The following RSRC1 variants were observed in gnomAD, a reference collection of about 807,000 sequenced individuals.
RSRC1 encodes serine/Arginine-related protein 53.
A neutral mutation model predicts 49.1 loss-of-function variants in RSRC1; 39 were observed. The observed-to-expected ratio is 0.79, with a 90% confidence interval of 0.61 to 1.04. The LOEUF is 1.04. Ranked by LOEUF, RSRC1 falls within the 50% of genes least tolerant of loss-of-function variation. The pLI is 0.00. For missense variants in RSRC1, 388 were observed against 402.4 expected, an observed-to-expected ratio of 0.96 and a Z score of 0.31; for synonymous variants, 143 against 130.8, an observed-to-expected ratio of 1.09 and a Z score of -0.63.
At chr3:158,482,250 G>C (rs1427159618) in intron 7 of RSRC1, among the ~76,000 whole-genome samples, 1 of 151,980 alleles carries the variant, frequency 6.6e-6, no homozygotes, top group East Asian at 1.9e-4. Flanking sequence ...TAGCATTGCT[G>C]AGGGTCTTAT....
At chr3:158,432,152 G>C (rs1221614469) in intron 6 of RSRC1, among the ~76,000 whole-genome samples, 2 of 151,938 alleles carry the variant, frequency 1.3e-5, no homozygotes, top group Non-Finnish European at 2.9e-5. Flanking sequence ...AAAGAGAATA[G>C]GTGATTGCAC....
intron 3 of RSRC1, among the ~76,000 whole-genome samples, chr3:158,135,002 AT>A (rs969614645): frequency 6.6e-6 from 1 of 152,028 alleles, no homozygotes; most frequent in African/African-American, 2.4e-5. Flanking sequence ...TTTATTGATA[AT>A]TTTTTTCTAG....
chr3:158,189,126 T>G (rs1720084710), intron 3 of RSRC1, among the ~76,000 whole-genome samples: 2 of 151,924 alleles, frequency 1.3e-5, no homozygotes, highest in African/African-American at 4.8e-5. Context: ...TAGGGATTCT[T>G]CTAGTTGTCT....
chr3:158,328,803 G>A (rs1053443376), intron 5 of RSRC1, among the ~76,000 whole-genome samples: 1 of 152,168 alleles, frequency 6.6e-6, no homozygotes, highest in Non-Finnish European at 1.5e-5. Flanking sequence ...GGGTGGGAAA[G>A]TTCTCCTGGA....
Position 158,266,882 on chromosome 3 carries a change from G to A in RSRC1, c.495-31157G>A, listed in dbSNP as rs1400559527. 3.3e-5 allele frequency among the ~76,000 whole-genome samples: 5 copies of A among 152,102 alleles called. 1 individual carries two copies. The highest frequency in any genetic ancestry group is 1.9e-4 in the East Asian group (1 of 5,162). On this transcript the variant is annotated intron_variant, in intron 4 of 9. Coordinates refer to ENST00000611884, the MANE Select transcript of RSRC1 (RefSeq NM_001271838.2). ...GGGCTCAAATGATTCTCCTGCCTCA[G>A]CGTCCTGAGTATCTGAGACTACAGG...
chr3:158,382,044 CACAA>C (rs1285247901), intron 6 of RSRC1, among the ~76,000 whole-genome samples: 1 of 152,072 alleles, frequency 6.6e-6, no homozygotes, highest in Non-Finnish European at 1.5e-5. Flanking sequence ...CAGCTTACAA[CACAA>C]ACACATTGAA....
chr3:158,318,028 T>TGC (rs1430587844), intron 5 of RSRC1, among the ~76,000 whole-genome samples: 1 of 47,222 alleles, frequency 2.1e-5, no homozygotes, highest in Non-Finnish European at 4.7e-5. Flanking sequence ...TGTGTGTGCG[T>TGC]GTGTGTGTGT....
At chr3:158,447,209 G>C (rs896814080) in intron 6 of RSRC1, among the ~76,000 whole-genome samples, 6 of 151,932 alleles carry the variant, frequency 3.9e-5, no homozygotes, top group Admixed American at 6.6e-5. Context: ...TTAGTATAGA[G>C]GGTGTATATA....
chr3:158,249,334 C>T (rs1451530723), intron 4 of RSRC1, among the ~76,000 whole-genome samples: 2 of 152,314 alleles, frequency 1.3e-5, no homozygotes, highest in African/African-American at 2.4e-5. Flanking sequence ...GACTAGTTTG[C>T]ATTCCTAGAG....
chr3:158,139,158 T>G (rs1240643606), intron 3 of RSRC1, among the ~76,000 whole-genome samples: 3 of 152,178 alleles, frequency 2.0e-5, no homozygotes, highest in African/African-American at 7.2e-5. Flanking sequence ...CCCAGCACTT[T>G]GGGAGGCTCA....
At chr3:158,385,448 A>G (rs1283091801) in intron 6 of RSRC1, among the ~76,000 whole-genome samples, 2 of 152,194 alleles carry the variant, frequency 1.3e-5, no homozygotes, top group African/African-American at 4.8e-5. Flanking sequence ...AATCAGAGAG[A>G]ACTCATAAAA....
chr3:158,508,080 A>C (rs1256050532), intron 7 of RSRC1, among the ~76,000 whole-genome samples: 1 of 151,366 alleles, frequency 6.6e-6, no homozygotes, highest in Non-Finnish European at 1.5e-5. Context: ...GTCTGTCTAC[A>C]AAAAAAAATT....
chr3:158,120,866 C>G (rs972279781), intron 1 of RSRC1, among the ~76,000 whole-genome samples: 3 of 149,896 alleles, frequency 2.0e-5, no homozygotes, highest in Non-Finnish European at 4.4e-5. Context: ...TTTTATATGA[C>G]TTTGAAAGAT....
intron 7 of RSRC1, among the ~76,000 whole-genome samples, chr3:158,472,551 T>C (rs1316427587): frequency 6.6e-6 from 1 of 152,170 alleles, no homozygotes; most frequent in African/African-American, 2.4e-5. Context: ...GGAAAAACAC[T>C]GCTCTGAAGT....
At chr3:158,460,792 A>G (rs1578508194) in intron 6 of RSRC1, 143 bp from the exon 7 acceptor site, 1 of 451,970 alleles carries the variant, frequency 2.2e-6, no homozygotes, top group Admixed American at 4.1e-5. Flanking sequence ...TAAAATATGT[A>G]TTTCAGATGT....
At chr3:158,192,797 G>C (rs1720323479) in intron 3 of RSRC1, among the ~76,000 whole-genome samples, 1 of 152,056 alleles carries the variant, frequency 6.6e-6, no homozygotes, top group Admixed American at 6.6e-5. Flanking sequence ...TGAAGATCGT[G>C]TATTTGGCTG....
intron 4 of RSRC1, among the ~76,000 whole-genome samples, chr3:158,281,843 T>G (rs541408554): frequency 6.6e-6 from 1 of 152,292 alleles, no homozygotes; most frequent in East Asian, 1.9e-4. Flanking sequence ...AGATAGGGTA[T>G]GTGTATAGTT....
intron 6 of RSRC1, among the ~76,000 whole-genome samples, chr3:158,422,330 G>C (rs952454579): frequency 6.7e-6 from 1 of 148,820 alleles, no homozygotes; most frequent in Admixed American, 6.7e-5. Flanking sequence ...GCGGTGTTTG[G>C]TTTTTTGTTC....
chr3:158,432,845 C>T (rs1735842719), intron 6 of RSRC1, among the ~76,000 whole-genome samples: 1 of 151,704 alleles, frequency 6.6e-6, no homozygotes, highest in South Asian at 2.1e-4. Context: ...AAAATGAAGA[C>T]ATTTATCTAG....
Sources: allele counts gnomAD v4.1 joint callset (sites outside exome capture counted in the v4.1 genomes callset), GRCh38; gene constraint gnomAD v4.1.1; transcripts MANE v1.5; gene names NCBI Gene and HGNC (gene_info 2026-07-23, HGNC 2026-07-21).